Variants in PRSS27 observed in about 807,000 individuals in gnomAD.
The protein encoded by PRSS27 is channel-activating protease 2.
A neutral mutation model predicts 32.0 loss-of-function variants in PRSS27; 25 were observed. That is an observed-to-expected ratio of 0.78 (90% CI 0.57 to 1.09). The LOEUF is 1.09. Ranked by LOEUF, PRSS27 falls within the 50% of genes least tolerant of loss-of-function variation. The pLI is 0.00. For synonymous variants in PRSS27, 178 were observed against 172.2 expected, an observed-to-expected ratio of 1.03 and a Z score of -0.26; for missense variants, 401 against 394.9, an observed-to-expected ratio of 1.02 and a Z score of -0.13.
Position 2,717,880 on chromosome 16 carries a change from G to C in PRSS27, c.47-1354C>G, listed in dbSNP as rs2067711768. On this transcript the variant is annotated intron_variant, in intron 1 of 5. Transcript: ENST00000302641. The surrounding 1 kb of genome is among the most constrained non-coding windows in gnomAD (Gnocchi z 4.1). ...GGGCAGCTGTGGATGGGCAGGAGGA[G>C]GAGGTGGAGAAGGTGCAGGGCAGGC... The C allele has an allele frequency of 6.6e-6, 1 of 152,454 alleles. No homozygotes were observed. Among genetic ancestry groups the C allele is most frequent in the Admixed American group, 6.5e-5 (1 of 15,284 alleles). 9.4% of individuals were successfully genotyped at this position (152,454 alleles called of 1,614,324 possible). A position where few individuals can be genotyped will look rare whatever the true frequency, so the allele number is the denominator to read the frequency against.
rs377061460 is a variant in PRSS27 at position 2,713,640 on chromosome 16, G to C, written c.567C>G (p.Pro189=). The change falls in exon 5 of 6, where the codon CCC becomes CCG. Residue 189 remains proline (P), a synonymous_variant. Transcript: ENST00000302641. ...QKLAVPIIDT[P]KCNLLYSKDT... Reference sequence around the variant, plus strand: ...CTTTGCTGTAGAGCAGGTTGCACTTGGGTGTGTCGATGATGGGCACAGCGA... The same window carrying C: ...CTTTGCTGTAGAGCAGGTTGCACTTCGGTGTGTCGATGATGGGCACAGCGA... 1.9e-6 allele frequency: 3 copies of C among 1,614,116 alleles called. No homozygotes were observed. Among genetic ancestry groups the C allele is most frequent in the African/African-American group, 2.7e-5 (2 of 74,950 alleles).
chr16:2,713,639 T>C lies in PRSS27; in HGVS notation c.568A>G (p.Lys190Glu). The C allele has an allele frequency of 6.2e-7, 1 of 1,614,180 alleles. No individual in the cohort carries two copies. Among genetic ancestry groups the C allele is most frequent in the Non-Finnish European group, 8.5e-7 (1 of 1,180,034 alleles). The change falls in exon 5 of 6, where the codon AAG becomes GAG. Residue 190 changes from lysine to glutamate, a missense_variant. By Grantham distance (56) the Lys-to-Glu change is moderately conservative. Transcript: ENST00000302641. ...KLAVPIIDTP[K>E]CNLLYSKDTE... ...TCTTTGCTGTAGAGCAGGTTGCACT[T>C]GGGTGTGTCGATGATGGGCACAGCG... is the stretch of plus-strand genomic sequence containing the variant.
chr16:2,712,543 G>A lies in PRSS27; in HGVS notation c.*77C>T, dbSNP rs2067668164. On this transcript the variant is annotated 3_prime_UTR_variant, in exon 6 of 6. Coordinates refer to ENST00000302641, the MANE Select transcript of PRSS27 (RefSeq NM_031948.5). The surrounding 1 kb of genome is among the most constrained non-coding windows in gnomAD (Gnocchi z 4.6). ...GGCTCACAGGTGCAACAGCAGCGCT[G>A]GGAGGACCAGCAGGATGGTGTGGGC... 5 of 1,324,782 alleles carry A rather than the reference G, an allele frequency of 3.8e-6. No homozygotes were observed. Among genetic ancestry groups the A allele is most frequent in the Admixed American group, 2.4e-5 (1 of 41,150 alleles). 82.1% of individuals were successfully genotyped at this position (1,324,782 alleles called of 1,614,324 possible).
At position 2,713,726 on chromosome 16, in the gene PRSS27, T is replaced by C; in HGVS notation, c.509-28A>G. Reference sequence around the variant, plus strand: ...GGAGAGGGGCGGAACAGCCCAGGGCTCAACGGACTTCCTCATCAAGAACCC... The same window carrying C: ...GGAGAGGGGCGGAACAGCCCAGGGCCCAACGGACTTCCTCATCAAGAACCC... On this transcript the variant is annotated intron_variant, in intron 4 of 5. Coordinates refer to ENST00000302641, the MANE Select transcript of PRSS27 (RefSeq NM_031948.5). 1.9e-6 allele frequency: 3 copies of C among 1,609,056 alleles called. No individual in the cohort carries two copies. The East Asian group carries it at 6.7e-5, about 36-fold the overall frequency.
Position 2,712,848 on chromosome 16 carries a change from C to T in PRSS27, c.679-34G>A. 6.8e-7 allele frequency: 1 copy of T among 1,462,846 alleles called. No individual in the cohort carries two copies. The highest frequency in any genetic ancestry group is 2.5e-5 in the East Asian group (1 of 40,598). The allele number at this position is 1,462,846 out of a possible 1,614,324, so 90.6% of individuals were successfully genotyped here. On this transcript the variant is annotated intron_variant, in intron 5 of 5. Coordinates refer to ENST00000302641, the MANE Select transcript of PRSS27 (RefSeq NM_031948.5). The surrounding 1 kb of genome is among the most constrained non-coding windows in gnomAD (Gnocchi z 4.6). ...GACGCAGAGTCACCGTCAGAGCCCA[C>T]CTTGAGTTCCCAGAGACTCAGTTGC... is the stretch of plus-strand genomic sequence containing the variant.
At chr16:2,713,432 TG>T (rs751657644) in intron 5 of PRSS27, 96 bp downstream of exon 5, 1 of 1,291,078 alleles carries the variant, frequency 7.7e-7, no homozygotes, top group South Asian at 1.2e-5. Flanking sequence ...GCTGCTCAGC[TG>T]GTTGAATGCA....
chr16:2,715,729 G>A lies in PRSS27; in HGVS notation c.225C>T (p.His75=). The change falls in exon 3 of 6, where the codon CAC becomes CAT. Residue 75 remains histidine, a synonymous_variant. Coordinates refer to ENST00000302641, the MANE Select transcript of PRSS27 (RefSeq NM_031948.5). ...GCGGGCGGACTCACTTGCGGAAGCA[G>A]TGCGCAGCCGTCAGGACCCACTGCT... The part of the protein sequence containing the change: ...IAEQWVLTAA[H]CFRNTSETSL... 6.5e-7 allele frequency: 1 copy of A among 1,549,446 alleles called. No individual in the cohort carries two copies. Among genetic ancestry groups the A allele is most frequent in the South Asian group, 1.2e-5 (1 of 84,042 alleles).
At position 2,714,102 on chromosome 16, in the gene PRSS27, G is replaced by C. The variant is rs1229051431; in HGVS notation, c.471C>G (p.Asn157Lys). 3.7e-6 allele frequency: 6 copies of C among 1,613,604 alleles called. No homozygotes were observed. The South Asian group carries it at 6.6e-5, about 18-fold the overall frequency. Residue 157 changes from asparagine (N) to lysine (K), a missense_variant, in exon 4 of 6, where the codon AAC becomes AAG. By Grantham distance (94) the Asn-to-Lys change is moderately conservative. Coordinates refer to ENST00000302641, the MANE Select transcript of PRSS27 (RefSeq NM_031948.5). This position sits in a 1 kb window ranked among gnomAD's most constrained non-coding sequence, Gnocchi z 4.7. ...GGCTGCCCCAGCCAGTGACCCAGCA[G>C]TTCATGCCCGTCTCAAAGATCACCG... ...DPSVIFETGM[N>K]CWVTGWGSPS... is the part of the protein sequence containing the mutation.
At chr16:2,719,420 G>T (rs1042122558) in intron 1 of PRSS27, among the ~76,000 whole-genome samples, 2 of 152,168 alleles carry the variant, frequency 1.3e-5, no homozygotes, top group Admixed American at 1.3e-4. Flanking sequence ...TGTGGTGGCT[G>T]CCAGACTGGC....
intron 4 of PRSS27, 148 bp downstream of exon 4, chr16:2,713,917 T>C: frequency 1.9e-6 from 2 of 1,034,206 alleles, no homozygotes; most frequent in Non-Finnish European, 2.9e-6. Context: ...GGTCTGCTGC[T>C]GCTCCCCTCG....
rs752996886 is a variant in PRSS27 at position 2,720,105 on chromosome 16, C to T, written c.46+10G>A. ...CTGCACCACCAGGACCCTGCACCTT[C>T]ACGACTCACCAAAACACAGCAGCAG... On this transcript the variant is annotated intron_variant, in intron 1 of 5. Coordinates refer to ENST00000302641, the MANE Select transcript of PRSS27 (RefSeq NM_031948.5). 5.0e-6 allele frequency: 8 copies of T among 1,599,876 alleles called. No individual in the cohort carries two copies. The South Asian group carries it at 9.0e-5, about 18-fold the overall frequency.
intron 1 of PRSS27, chr16:2,718,345 TCTCA>T (rs2067714994): frequency 6.9e-6 from 1 of 145,128 alleles, no homozygotes; most frequent in Non-Finnish European, 1.5e-5. Flanking sequence ...TAAGATGGAG[TCTCA>T]CTCTGTTGCC....
At chr16:2,719,988 G>A (rs1022399488) in intron 1 of PRSS27, 127 bp downstream of exon 1, 1 of 869,724 alleles carries the variant, frequency 1.1e-6, no homozygotes, top group Non-Finnish European at 1.8e-6. Context: ...AGGGGCAGGA[G>A]GGATGATGGC....
chr16:2,713,311 G>C lies in PRSS27; in HGVS notation c.678+218C>G, dbSNP rs573338190. 10 of 583,446 alleles carry C rather than the reference G, an allele frequency of 1.7e-5. No individual in the cohort carries two copies. In the African/African-American group the frequency reaches 1.8e-4, roughly 11 times the overall value. 36.1% of individuals were successfully genotyped at this position (583,446 alleles called of 1,614,324 possible). A position where few individuals can be genotyped will look rare whatever the true frequency, so the allele number is the denominator to read the frequency against. On this transcript the variant is annotated intron_variant, in intron 5 of 5. Coordinates refer to ENST00000302641, the MANE Select transcript of PRSS27 (RefSeq NM_031948.5). Reference sequence around the variant, plus strand: ...GATGGGGTTTCACTGTGTTAGCCAGGATGGTCTCCATCTCCTGACCTTGTG... The same window carrying C: ...GATGGGGTTTCACTGTGTTAGCCAGCATGGTCTCCATCTCCTGACCTTGTG...
chr16:2,716,622 T>A, intron 1 of PRSS27, 96 bp from the exon 2 acceptor site: 1 of 1,226,550 alleles, frequency 8.2e-7, no homozygotes, highest in Non-Finnish European at 1.2e-6. Flanking sequence ...CCCCAGCTCC[T>A]GAGGACTCCA....
Position 2,714,752 on chromosome 16 carries a change from C to G in PRSS27, c.237-416G>C. On this transcript the variant is annotated intron_variant, in intron 3 of 5. Coordinates refer to ENST00000302641, the MANE Select transcript of PRSS27 (RefSeq NM_031948.5). The surrounding 1 kb of genome is among the most constrained non-coding windows in gnomAD (Gnocchi z 4.7). ...CCCGAGTTTCCGATTTTTTTTTTCC[C>G]CTAGAGACAGAGTTCTCATTCTGTC... 4.1e-6 allele frequency: 1 copy of G among 243,350 alleles called. No homozygotes were observed. The highest frequency in any genetic ancestry group is 1.4e-4 in the East Asian group (1 of 7,178). 15.1% of individuals were successfully genotyped at this position (243,350 alleles called of 1,614,324 possible).
chr16:2,720,191 T>A lies in PRSS27; in HGVS notation c.-31A>T. On this transcript the variant is annotated 5_prime_UTR_variant, in exon 1 of 6. Coordinates refer to ENST00000302641, the MANE Select transcript of PRSS27 (RefSeq NM_031948.5). ...CAGGCCTGGCTGGGGCGCAGGGCCG[T>A]GGTCGGCGGTGGCAGAAGCGTTGGA... 6.4e-7 allele frequency: 1 copy of A among 1,565,082 alleles called. No individual in the cohort carries two copies. The highest frequency in any genetic ancestry group is 8.7e-7 in the Non-Finnish European group (1 of 1,154,508).
Position 2,714,766 on chromosome 16 carries a change from TCTC to T in PRSS27, c.237-433_237-431del, listed in dbSNP as rs2067690621. 1 of 223,562 alleles carries T rather than the reference TCTC, an allele frequency of 4.5e-6. No individual in the cohort carries two copies. Among genetic ancestry groups the T allele is most frequent in the African/African-American group, 2.4e-5 (1 of 42,342 alleles). The allele number at this position is 223,562 out of a possible 1,614,324, so 13.8% of individuals were successfully genotyped here. A position where few individuals can be genotyped will look rare whatever the true frequency, so the allele number is the denominator to read the frequency against. On this transcript the variant is annotated intron_variant, in intron 3 of 5. Coordinates refer to ENST00000302641, the MANE Select transcript of PRSS27 (RefSeq NM_031948.5). The surrounding 1 kb of genome is among the most constrained non-coding windows in gnomAD (Gnocchi z 4.7). The stretch of plus-strand genomic sequence containing the variant: ...TTTTTTTTTCCCCTAGAGACAGAGT[TCTC>T]ATTCTGTCACCCAGGCTGGAGTGCA...
Position 2,712,889 on chromosome 16 carries a change from G to T in PRSS27, c.679-75C>A. 8.5e-7 allele frequency: 1 copy of T among 1,178,270 alleles called. No homozygotes were observed. Among genetic ancestry groups the T allele is most frequent in the Non-Finnish European group, 1.2e-6 (1 of 862,296 alleles). The allele number at this position is 1,178,270 out of a possible 1,614,324, so 73.0% of individuals were successfully genotyped here. On this transcript the variant is annotated intron_variant, in intron 5 of 5. Coordinates refer to ENST00000302641, the MANE Select transcript of PRSS27 (RefSeq NM_031948.5). The surrounding 1 kb of genome is among the most constrained non-coding windows in gnomAD (Gnocchi z 4.6). ...ACTCAGTTGCAGCCGCACAGGAGGT[G>T]TGTAGCTCCGCAATGGATTCCTTCT...
Sources: allele counts gnomAD v4.1 joint callset (sites outside exome capture counted in the v4.1 genomes callset), GRCh38; gene constraint gnomAD v4.1.1; non-coding constraint Gnocchi (gnomAD v3.1); transcripts MANE v1.5; gene names NCBI Gene and HGNC (gene_info 2026-07-23, HGNC 2026-07-21).